SLC4A4: variants seen among roughly 807,000 people sequenced by gnomAD.
SLC4A4 encodes electrogenic sodium bicarbonate cotransporter 1.
Under a neutral mutation model 111.5 loss-of-function variants are expected in SLC4A4, and 27 were observed. That is an observed-to-expected ratio of 0.24 (90% CI 0.18 to 0.33). The LOEUF is 0.33. SLC4A4 is among the 10% of genes least tolerant of loss of function. The pLI is 1.00. For missense variants in SLC4A4, 909 were observed against 1,315.5 expected, an observed-to-expected ratio of 0.69 and a Z score of 4.78; for synonymous variants, 443 against 463.4, an observed-to-expected ratio of 0.96 and a Z score of 0.57.
At chr4:71,554,326 C>A (rs1343279038) in intron 20 of SLC4A4, among the ~76,000 whole-genome samples, 1 of 151,724 alleles carries the variant, frequency 6.6e-6, no homozygotes, top group African/African-American at 2.4e-5. Flanking sequence ...GGTTGAGAAC[C>A]TTTTGTTTTT....
intron 6 of SLC4A4, among the ~76,000 whole-genome samples, chr4:71,379,448 C>T (rs1717876059): frequency 6.6e-6 from 1 of 152,098 alleles, no homozygotes; most frequent in African/African-American, 2.4e-5. Flanking sequence ...CTAAATTTAA[C>T]CTATCCCTAA....
chr4:71,477,005 GA>G (rs1728436511), intron 14 of SLC4A4, among the ~76,000 whole-genome samples: 1 of 151,644 alleles, frequency 6.6e-6, no homozygotes, highest in South Asian at 2.1e-4. Context: ...AGCCAAAAGT[GA>G]AAACTGAAAA....
At chr4:71,358,730 T>A (rs913582374) in intron 6 of SLC4A4, among the ~76,000 whole-genome samples, 3 of 152,100 alleles carry the variant, frequency 2.0e-5, no homozygotes, top group African/African-American at 7.2e-5. Flanking sequence ...GTTTTAGTTG[T>A]GTTTTTGGAA....
At chr4:71,529,414 T>C (rs1401772822) in intron 16 of SLC4A4, among the ~76,000 whole-genome samples, 1 of 152,086 alleles carries the variant, frequency 6.6e-6, no homozygotes, top group Non-Finnish European at 1.5e-5. Context: ...TTTCTCTTTG[T>C]TGGTACTTGG....
At chr4:71,475,943 C>T (rs1728329041) in intron 14 of SLC4A4, among the ~76,000 whole-genome samples, 1 of 151,768 alleles carries the variant, frequency 6.6e-6, no homozygotes, top group South Asian at 2.1e-4. Flanking sequence ...CTTCATCATC[C>T]TTCCTTCTAG....
chr4:71,191,808 AAAT>A (rs1745745201), intron 1 of SLC4A4, among the ~76,000 whole-genome samples: 1 of 152,240 alleles, frequency 6.6e-6, no homozygotes, highest in Non-Finnish European at 1.5e-5. Context: ...TAAAGGAAAT[AAAT>A]AACCACCAAC....
intron 4 of SLC4A4, among the ~76,000 whole-genome samples, chr4:71,345,744 A>G (rs1337051116): frequency 2.0e-5 from 3 of 152,088 alleles, no homozygotes; most frequent in Admixed American, 6.6e-5. Context: ...TCTTTTCTCT[A>G]CTGAATTACT....
At chr4:71,169,232 T>C (rs1744872594) in intron 2 of SLC4A4, among the ~76,000 whole-genome samples, 1 of 151,852 alleles carries the variant, frequency 6.6e-6, no homozygotes, top group Admixed American at 6.6e-5. Context: ...GTCAGGCTGT[T>C]CTTGAACTCC....
chr4:71,107,291 C>G (rs572853456), intron 2 of SLC4A4, among the ~76,000 whole-genome samples: 5 of 152,016 alleles, frequency 3.3e-5, no homozygotes, highest in African/African-American at 1.2e-4. Flanking sequence ...TGTCTTATAT[C>G]TTTTTTGTCC....
intron 2 of SLC4A4, among the ~76,000 whole-genome samples, chr4:71,094,129 TA>T (rs1742471551): frequency 6.6e-6 from 1 of 152,214 alleles, no homozygotes; most frequent in Non-Finnish European, 1.5e-5. Flanking sequence ...AATTTCTGAT[TA>T]GAAGAAAATA....
intron 7 of SLC4A4, among the ~76,000 whole-genome samples, chr4:71,401,826 G>C (rs781563980): frequency 2.6e-5 from 4 of 152,164 alleles, no homozygotes; most frequent in Admixed American, 6.6e-5. Context: ...AACCTCAAGT[G>C]AAATTGTAGT....
intron 7 of SLC4A4, among the ~76,000 whole-genome samples, chr4:71,411,631 C>A (rs775928525): frequency 2.4e-4 from 37 of 151,834 alleles, no homozygotes; most frequent in African/African-American, 8.9e-4. Context: ...TTTTAAAAAG[C>A]AGTTAAAAAA....
In SLC4A4 at chr4:71,517,869, T is replaced by C. The variant is rs564727074; in HGVS notation, c.2167-14193T>C. Among the ~76,000 whole-genome samples, 4 of 136,700 alleles carry C rather than the reference T, an allele frequency of 2.9e-5. No homozygotes were observed. The South Asian group carries it at 1.0e-3, about 34-fold the overall frequency. 89.7% of individuals were successfully genotyped at this position (136,700 alleles called of 152,430 possible). A position where few individuals can be genotyped will look rare whatever the true frequency, so the allele number is the denominator to read the frequency against. On this transcript the variant is annotated intron_variant, in intron 16 of 25. Transcript: ENST00000264485. The stretch of plus-strand genomic sequence containing the variant: ...CCCAGTTAGGCTGACCTGGTTCTTG[T>C]GTAAACAGGTGAGTGCACCTGGCAC...
intron 3 of SLC4A4, among the ~76,000 whole-genome samples, chr4:71,329,304 G>T (rs1407742849): frequency 1.3e-5 from 2 of 151,886 alleles, no homozygotes; most frequent in Admixed American, 6.6e-5. Context: ...GCTATTCTGG[G>T]TCTTTTGTGG....
intron 4 of SLC4A4, among the ~76,000 whole-genome samples, chr4:71,347,258 T>C (rs1729406923): frequency 6.6e-6 from 1 of 152,210 alleles, no homozygotes; most frequent in African/African-American, 2.4e-5. Flanking sequence ...GTGGTTTTGC[T>C]TCTTTTTCTT....
intron 21 of SLC4A4, among the ~76,000 whole-genome samples, chr4:71,557,086 G>T (rs1322019615): frequency 6.6e-6 from 1 of 151,924 alleles, no homozygotes; most frequent in Non-Finnish European, 1.5e-5. Flanking sequence ...CTTAGATTCA[G>T]ATGTTGACCC....
intron 3 of SLC4A4, among the ~76,000 whole-genome samples, chr4:71,276,529 G>A (rs1723077010): frequency 6.7e-6 from 1 of 149,762 alleles, no homozygotes; most frequent in Non-Finnish European, 1.5e-5. Flanking sequence ...TTTCATGAAT[G>A]CTATATAAAT....
intron 2 of SLC4A4, among the ~76,000 whole-genome samples, chr4:71,174,036 T>C (rs1215153151): frequency 1.3e-5 from 2 of 152,180 alleles, no homozygotes; most frequent in Admixed American, 6.5e-5. Flanking sequence ...AGTTGCCAGA[T>C]AGCAGAAACT....
At chr4:71,452,209 C>A (rs1725832786) in intron 11 of SLC4A4, among the ~76,000 whole-genome samples, 1 of 152,058 alleles carries the variant, frequency 6.6e-6, no homozygotes, top group Non-Finnish European at 1.5e-5. Flanking sequence ...CTCAAATTAA[C>A]AGGATATTAT....
Sources: gnomAD v4.1 joint callset for allele counts (sites outside exome capture counted in the v4.1 genomes callset) on GRCh38, gnomAD v4.1.1 for gene constraint, MANE v1.5 for transcripts, NCBI Gene and HGNC (gene_info 2026-07-23, HGNC 2026-07-21) for gene names.